IQGAP2: variants seen among roughly 807,000 people sequenced by gnomAD.
IQGAP2 encodes IQ motif containing GTPase activating protein 2.
IQGAP2 carries 173 observed loss-of-function variants against 201.3 expected under a neutral mutation model. The ratio of observed to expected loss-of-function variants is 0.86; its 90% CI spans 0.76 to 0.98. The LOEUF is 0.98. Among genes scored for constraint, IQGAP2 ranks in the 50% least tolerant of loss-of-function variants. IQGAP2 has a pLI of 0.00. For synonymous variants in IQGAP2, 675 were observed against 673.9 expected, an observed-to-expected ratio of 1.00 and a Z score of -0.03; for missense variants, 1,687 against 1,864.8, an observed-to-expected ratio of 0.90 and a Z score of 1.76.
At chr5:76,571,084 G>C (rs1382969877) in intron 4 of IQGAP2, among the ~76,000 whole-genome samples, 1 of 140,702 alleles carries the variant, frequency 7.1e-6, no homozygotes, top group African/African-American at 2.7e-5. Context: ...AACATGGCAA[G>C]ACCCTGTCTC....
chr5:76,637,647 C>T (rs528719713), intron 16 of IQGAP2, among the ~76,000 whole-genome samples: 27 of 152,186 alleles, frequency 1.8e-4, no homozygotes, highest in African/African-American at 6.5e-4. Context: ...AGGACAGCTT[C>T]GGAAGCAAAG....
At position 76,403,786 on chromosome 5, in the gene IQGAP2, A is replaced by G. The variant is rs1291991975; in HGVS notation, c.46+195A>G. Among the ~76,000 whole-genome samples the G allele has an allele frequency of 6.6e-6, 1 of 151,728 alleles. No homozygotes were observed. The highest frequency in any genetic ancestry group is 1.5e-5 in the Non-Finnish European group (1 of 67,924). On this transcript the variant is annotated intron_variant, in intron 1 of 35. Transcript: ENST00000274364. The surrounding 1 kb of genome is among the most constrained non-coding windows in gnomAD (Gnocchi z 4.8). ...GTCCCCCCGCTCCTCCCGCCCCCCA[A>G]TTCCTAATATCCAGCTGGCAACCCA...
chr5:76,597,434 C>T lies in IQGAP2; in HGVS notation c.908-5C>T, dbSNP rs766192964. ...TTCTGACAAAACATGAACCCCCATC[C>T]TCAGGGCAGGCTGCAGTGGACCATA... On this transcript the variant is annotated splice_region_variant and splice_polypyrimidine_tract_variant and intron_variant, in intron 9 of 35. Coordinates refer to ENST00000274364, the MANE Select transcript of IQGAP2 (RefSeq NM_006633.5). The T allele has an allele frequency of 8.1e-6, 13 of 1,613,654 alleles. No individual in the cohort carries two copies. The South Asian group carries it at 1.4e-4, about 18-fold the overall frequency.
chr5:76,583,734 TTG>T (rs1340066794), intron 5 of IQGAP2, among the ~76,000 whole-genome samples: 4 of 152,210 alleles, frequency 2.6e-5, no homozygotes, highest in Non-Finnish European at 4.4e-5. Context: ...AAAAATGTAA[TTG>T]GAAATAGCTA....
intron 11 of IQGAP2, among the ~76,000 whole-genome samples, chr5:76,605,339 G>A (rs538822448): frequency 2.0e-5 from 3 of 152,280 alleles, no homozygotes; most frequent in East Asian, 3.9e-4. Context: ...TAAACAATGG[G>A]TGAGAGGGCC....
intron 34 of IQGAP2, 107 bp downstream of exon 34, chr5:76,701,320 G>A (rs1372159075): frequency 4.0e-6 from 4 of 1,009,178 alleles, no homozygotes; most frequent in Non-Finnish European, 6.1e-6. Flanking sequence ...ATTACTGATG[G>A]GTGACAAGGG....
chr5:76,485,601 A>C, intron 2 of IQGAP2, among the ~76,000 whole-genome samples: 1 of 152,232 alleles, frequency 6.6e-6, no homozygotes, highest in East Asian at 1.9e-4. Context: ...GTTTTGTAGA[A>C]ATCATATCTT....
At chr5:76,441,569 G>C (rs28489619) in intron 1 of IQGAP2, 6 of 962,534 alleles carry the variant, frequency 6.2e-6, no homozygotes, top group Non-Finnish European at 7.4e-6. Context: ...CCAGTGGCAG[G>C]GTTCGTGAAT....
chr5:76,473,203 G>T (rs1412781692), intron 2 of IQGAP2, among the ~76,000 whole-genome samples: 1 of 152,128 alleles, frequency 6.6e-6, no homozygotes, highest in Non-Finnish European at 1.5e-5. Flanking sequence ...CCAAAACATG[G>T]TCTTGGTTTT....
In IQGAP2 at chr5:76,588,940, A is replaced by G. The variant is rs752998022; in HGVS notation, c.493A>G (p.Ile165Val). 1.1e-5 allele frequency: 17 copies of G among 1,609,668 alleles called. No homozygotes were observed. Among genetic ancestry groups the G allele is most frequent in the Non-Finnish European group, 1.4e-5 (17 of 1,176,624 alleles). ...YLFKLGIAPQIQDLLGKVDFT... is the reference protein window; with the variant it reads ...YLFKLGIAPQVQDLLGKVDFT... ...GTTCAAACTAGGAATAGCACCCCAG[A>G]TCCAGGATTTGTTGGGCAAAGTAGA... The change falls in exon 6 of 36, where the codon ATC (isoleucine) becomes GTC (valine). Residue 165 changes from isoleucine (I) to valine (V), a missense_variant. Ile to Val is a conservative substitution (Grantham distance 29, BLOSUM62 3). Coordinates refer to ENST00000274364, the MANE Select transcript of IQGAP2 (RefSeq NM_006633.5).
chr5:76,630,013 C>G (rs1003888874), intron 14 of IQGAP2, among the ~76,000 whole-genome samples: 5 of 152,282 alleles, frequency 3.3e-5, no homozygotes, highest in Middle Eastern at 3.4e-3. Flanking sequence ...ACTGAGCACC[C>G]CTCAGATAGA....
chr5:76,486,081 A>G (rs73766931), intron 2 of IQGAP2, among the ~76,000 whole-genome samples: 6,267 of 152,246 alleles, frequency 0.041, 458 homozygotes, highest in African/African-American at 0.14. Context: ...AACTTTGGTG[A>G]AATTCAGAAT....
chr5:76,510,740 C>A, intron 2 of IQGAP2: 1 of 508,390 alleles, frequency 2.0e-6, no homozygotes, highest in Non-Finnish European at 4.0e-6. Flanking sequence ...AAGGGTGTAC[C>A]TGGGGGCACC....
At chr5:76,609,342 A>G in intron 12 of IQGAP2, 1 of 979,692 alleles carries the variant, frequency 1.0e-6, no homozygotes, top group East Asian at 2.6e-5. Context: ...GTATATAGAT[A>G]ATACTTAGAC....
intron 5 of IQGAP2, among the ~76,000 whole-genome samples, chr5:76,583,607 T>G (rs967478125): frequency 6.6e-5 from 10 of 152,184 alleles, no homozygotes; most frequent in African/African-American, 2.2e-4. Flanking sequence ...AAGCAAAGAT[T>G]CTTCCATGTT....
At chr5:76,489,678 GCTGGTCTACAACAC>G (rs1343813113) in intron 2 of IQGAP2, among the ~76,000 whole-genome samples, 4 of 152,156 alleles carry the variant, frequency 2.6e-5, no homozygotes, top group Non-Finnish European at 4.4e-5. Flanking sequence ...TGTTGGCCAG[GCTGGTCTACAACAC>G]CTGACCTCAC....
chr5:76,429,860 G>GACACACACACACACACACAC (rs56031811), intron 1 of IQGAP2, among the ~76,000 whole-genome samples: 5 of 144,528 alleles, frequency 3.5e-5, no homozygotes, highest in African/African-American at 1.3e-4. Context: ...AGGAGACACA[G>GACACACACACACACACACAC]ACACACACAC....
Position 76,640,961 on chromosome 5 carries a change from A to G in IQGAP2, c.1952A>G (p.Tyr651Cys), listed in dbSNP as rs761418477. ...ATTATTGAGGAAGTCACAGTAGGTTACATTCGTGAGAATATATGGTCTGCT... is the reference window on the plus strand; with the variant it reads ...ATTATTGAGGAAGTCACAGTAGGTTGCATTCGTGAGAATATATGGTCTGCT... Reference protein sequence around the residue: ...EDIIEEVTVGYIRENIWSASE... With the variant: ...EDIIEEVTVGCIRENIWSASE... Residue 651 changes from tyrosine to cysteine, a missense_variant, in exon 17 of 36, where the codon TAC (tyrosine) becomes TGC (cysteine). By Grantham distance (194) the Tyr-to-Cys change is radical. Coordinates refer to ENST00000274364, the MANE Select transcript of IQGAP2 (RefSeq NM_006633.5). 3 of 1,600,266 alleles carry G rather than the reference A, an allele frequency of 1.9e-6. No homozygotes were observed. In the Admixed American group the frequency reaches 5.0e-5, roughly 27 times the overall value.
Position 76,668,765 on chromosome 5 carries a change from C to G in IQGAP2, c.2764C>G (p.Leu922Val), listed in dbSNP as rs764260314. The change falls in exon 23 of 36, where the codon CTA becomes GTA. Residue 922 changes from leucine (L) to valine (V), a missense_variant. By Grantham distance (32) the Leu-to-Val change is conservative. Coordinates refer to ENST00000274364, the MANE Select transcript of IQGAP2 (RefSeq NM_006633.5). The stretch of plus-strand genomic sequence containing the variant: ...ATTTATGGATACTGTTATTTTCACA[C>G]TATATAATTATGCCTCTAATCAGCG... The part of the protein sequence containing the change: ...TKFMDTVIFT[L>V]YNYASNQREE... 8 of 1,608,682 alleles carry G rather than the reference C, an allele frequency of 5.0e-6. No individual in the cohort carries two copies. Among genetic ancestry groups the G allele is most frequent in the Middle Eastern group, 1.7e-4 (1 of 5,900 alleles).
Sources: allele counts gnomAD v4.1 joint callset (sites outside exome capture counted in the v4.1 genomes callset), GRCh38; gene constraint gnomAD v4.1.1; non-coding constraint Gnocchi (gnomAD v3.1); transcripts MANE v1.5; gene names NCBI Gene and HGNC (gene_info 2026-07-23, HGNC 2026-07-21).